Variants in ADCK2 observed in about 807,000 individuals in gnomAD.
The protein encoded by ADCK2 is uncharacterized aarF domain-containing protein kinase 2.
A neutral mutation model predicts 52.3 loss-of-function variants in ADCK2; 37 were observed. That is an observed-to-expected ratio of 0.71 (90% CI 0.54 to 0.93). The LOEUF (loss-of-function observed/expected upper bound fraction) is 0.93, where lower values mean the gene tolerates loss of function less well. Ranked by LOEUF, ADCK2 falls within the 40% of genes least tolerant of loss-of-function variation. The pLI, the probability that ADCK2 is intolerant of heterozygous loss-of-function variation, is 0.00. For missense variants in ADCK2, 695 were observed against 798.7 expected, an observed-to-expected ratio of 0.87 and a Z score of 1.56; for synonymous variants, 321 against 349.2, an observed-to-expected ratio of 0.92 and a Z score of 0.90.
intron 7 of ADCK2, among the ~76,000 whole-genome samples, chr7:140,694,081 GC>G (rs1794754069): frequency 6.6e-6 from 1 of 152,166 alleles, no homozygotes; most frequent in Non-Finnish European, 1.5e-5. Context: ...AGCACTTGGG[GC>G]AGCCAAGGTG....
At chr7:140,682,654 T>A (rs1246220822) in intron 4 of ADCK2, among the ~76,000 whole-genome samples, 1 of 152,028 alleles carries the variant, frequency 6.6e-6, no homozygotes, top group Non-Finnish European at 1.5e-5. Flanking sequence ...AAATGATGCT[T>A]AGTGAATTTT....
intron 4 of ADCK2, among the ~76,000 whole-genome samples, chr7:140,681,431 C>G (rs974421031): frequency 6.6e-6 from 1 of 151,896 alleles, no homozygotes; most frequent in Non-Finnish European, 1.5e-5. Flanking sequence ...CATTCTCCTG[C>G]CTCAGCCTCC....
chr7:140,686,882 G>C, intron 4 of ADCK2, 108 bp from the exon 5 acceptor site: 1 of 1,444,130 alleles, frequency 6.9e-7, no homozygotes, highest in East Asian at 2.3e-5. Flanking sequence ...CCTCTTTGCG[G>C]CTGTGATAGA....
chr7:140,689,809 CTT>C, intron 6 of ADCK2, 84 bp downstream of exon 6: 1 of 1,357,964 alleles, frequency 7.4e-7, no homozygotes, highest in Non-Finnish European at 9.6e-7. Context: ...AGGGAGACCT[CTT>C]TATGAGGGGT....
In ADCK2 at chr7:140,674,476, T is replaced by C. The variant is rs1794358028; in HGVS notation, c.934-135T>C. 8.3e-7 allele frequency: 1 copy of C among 1,205,544 alleles called. No homozygotes were observed. Among genetic ancestry groups the C allele is most frequent in the East Asian group, 2.5e-5 (1 of 39,640 alleles). The allele number at this position is 1,205,544 out of a possible 1,614,324, so 74.7% of individuals were successfully genotyped here. A position where few individuals can be genotyped will look rare whatever the true frequency, so the allele number is the denominator to read the frequency against. ...ACTGAGTCTGGAGTGAACTAACTGC[T>C]TGGGTGTCGGGACCACATCCTCTTT... On this transcript the variant is annotated intron_variant, in intron 1 of 7. Transcript: ENST00000072869. This position sits in a 1 kb window ranked among gnomAD's most constrained non-coding sequence, Gnocchi z 4.6.
rs1794745349 is a variant in ADCK2 at position 140,693,624 on chromosome 7, G to A, written c.1741-1039G>A. ...ATGATACTTTTGAAGAATAGTTGAA[G>A]AATCCATGTCAATTGCTATTACTAC... On this transcript the variant is annotated intron_variant, in intron 7 of 7. Transcript: ENST00000072869. The surrounding 1 kb of genome is among the most constrained non-coding windows in gnomAD (Gnocchi z 4.0). Among the ~76,000 whole-genome samples the A allele has an allele frequency of 6.6e-6, 1 of 152,220 alleles. No homozygotes were observed. Among genetic ancestry groups the A allele is most frequent in the African/African-American group, 2.4e-5 (1 of 41,454 alleles).
intron 4 of ADCK2, 109 bp downstream of exon 4, chr7:140,681,246 C>A: frequency 3.0e-6 from 3 of 1,001,154 alleles, no homozygotes; most frequent in Non-Finnish European, 3.1e-6. Flanking sequence ...AAGCAGCAAG[C>A]CGCCAGGTTG....
rs1424410579 is a variant in ADCK2 at position 140,673,461 on chromosome 7, T to G, written c.131T>G (p.Leu44Arg). The change falls in exon 1 of 8, where the codon CTG (leucine) becomes CGG (arginine). Residue 44 changes from leucine to arginine, a missense_variant. Leu to Arg is a moderately radical substitution (Grantham distance 102). Transcript: ENST00000072869. This position sits in a 1 kb window ranked among gnomAD's most constrained non-coding sequence, Gnocchi z 6.4. ...PRDARLCWLL[L>R]GTLPKVVSLC... The stretch of plus-strand genomic sequence containing the variant: ...GATGCCAGGCTCTGCTGGCTTCTGC[T>G]GGGCACTTTGCCCAAGGTCGTCTCC... The G allele has an allele frequency of 6.2e-7, 1 of 1,609,114 alleles. No individual in the cohort carries two copies. Among genetic ancestry groups the G allele is most frequent in the Non-Finnish European group, 8.5e-7 (1 of 1,178,358 alleles).
rs370085539 is a variant in ADCK2 at position 140,681,616 on chromosome 7, G to A, written c.1305+479G>A. ...ATTACAGGTGTGAACCACCACACCC[G>A]GCCTTTTTTTTCCTTTTTTAAGATA... is the stretch of plus-strand genomic sequence containing the variant. On this transcript the variant is annotated intron_variant, in intron 4 of 7. Coordinates refer to ENST00000072869, the MANE Select transcript of ADCK2 (RefSeq NM_052853.4). Among the ~76,000 whole-genome samples, 13 of 151,766 alleles carry A rather than the reference G, an allele frequency of 8.6e-5. No homozygotes were observed. In the East Asian group the frequency reaches 1.4e-3, roughly 16 times the overall value.
At chr7:140,690,965 G>T in intron 7 of ADCK2, 152 bp downstream of exon 7, 7 of 737,130 alleles carry the variant, frequency 9.5e-6, no homozygotes, top group Non-Finnish European at 1.5e-5. Flanking sequence ...TCACTCTGTC[G>T]CCCAGGGTGG....
chr7:140,677,021 TCAAACAAACAAA>T (rs113170613), intron 2 of ADCK2, among the ~76,000 whole-genome samples: 1,799 of 150,082 alleles, frequency 0.012, 13 homozygotes, highest in Non-Finnish European at 0.018. Flanking sequence ...AGATCCCATC[TCAAACAAACAAA>T]CAAACAAACA....
chr7:140,688,744 T>C (rs1460255951), intron 5 of ADCK2, among the ~76,000 whole-genome samples: 6 of 152,306 alleles, frequency 3.9e-5, no homozygotes, highest in Admixed American at 3.3e-4. Context: ...GCACGTCCGA[T>C]GTGGGGACAT....
rs1794366162 is a variant in ADCK2, at chr7:140,674,637, G to A, written c.960G>A (p.Gln320=). 6.2e-7 allele frequency: 1 copy of A among 1,613,876 alleles called. No homozygotes were observed. Among genetic ancestry groups the A allele is most frequent in the Non-Finnish European group, 8.5e-7 (1 of 1,180,014 alleles). ...TGTTGCACCCTGGCCTGCTCGCTCA[G>A]GTGCATATGGACCTGCTGCTGATGA... ...VKVLHPGLLA[Q]VHMDLLLMKI... Residue 320 remains glutamine (Q), a synonymous_variant, in exon 2 of 8, where the codon CAG becomes CAA. Transcript: ENST00000072869. This position sits in a 1 kb window ranked among gnomAD's most constrained non-coding sequence, Gnocchi z 4.6.
intron 5 of ADCK2, among the ~76,000 whole-genome samples, chr7:140,689,191 C>G (rs1794660399): frequency 6.6e-6 from 1 of 152,114 alleles, no homozygotes; most frequent in South Asian, 2.1e-4. Flanking sequence ...TGGTCTTGAA[C>G]TCCTGATCTC....
At chr7:140,676,373 A>G (rs1284354744) in intron 2 of ADCK2, among the ~76,000 whole-genome samples, 1 of 152,248 alleles carries the variant, frequency 6.6e-6, no homozygotes, top group Non-Finnish European at 1.5e-5. Context: ...TTGGGGGGAC[A>G]CAAACATTCA....
intron 2 of ADCK2, among the ~76,000 whole-genome samples, chr7:140,676,598 C>G (rs919634259): frequency 6.6e-6 from 1 of 152,224 alleles, no homozygotes; most frequent in African/African-American, 2.4e-5. Flanking sequence ...ATCAGCTCTT[C>G]CTACTAAGCC....
chr7:140,689,801 G>T (rs1019390790), intron 6 of ADCK2, 76 bp downstream of exon 6: 11 of 1,421,594 alleles, frequency 7.7e-6, no homozygotes, highest in Admixed American at 2.7e-5. Flanking sequence ...TGGGTCTAAG[G>T]GAGACCTCTT....
At chr7:140,683,792 C>T (rs543179811) in intron 4 of ADCK2, among the ~76,000 whole-genome samples, 55 of 152,204 alleles carry the variant, frequency 3.6e-4, no homozygotes, top group Non-Finnish European at 6.0e-4. Flanking sequence ...GGGAAGAGGC[C>T]AGGAGCTTAC....
Position 140,685,397 on chromosome 7 carries a change from C to T in ADCK2, c.1306-1593C>T, listed in dbSNP as rs909132640. Among the ~76,000 whole-genome samples the T allele has an allele frequency of 2.0e-5, 3 of 151,944 alleles. No individual in the cohort carries two copies. The South Asian group carries it at 6.2e-4, about 32-fold the overall frequency. ...CCCAAGAAGTGGAGGTTGCAGTGAG[C>T]CCAGATCGCACCATTGTACTCTAGC... On this transcript the variant is annotated intron_variant, in intron 4 of 7. Coordinates refer to ENST00000072869, the MANE Select transcript of ADCK2 (RefSeq NM_052853.4).
Sources: gnomAD v4.1 joint callset for allele counts (sites outside exome capture counted in the v4.1 genomes callset) on GRCh38, gnomAD v4.1.1 for gene constraint, Gnocchi (gnomAD v3.1) non-coding constraint, MANE v1.5 for transcripts, NCBI Gene and HGNC (gene_info 2026-07-23, HGNC 2026-07-21) for gene names.